AGMO: variants seen among roughly 807,000 people sequenced by gnomAD.
AGMO encodes the protein alkylglycerol monooxygenase, also known as glyceryl-ether monooxygenase.
A neutral mutation model predicts 60.2 loss-of-function variants in AGMO; 75 were observed. The ratio of observed to expected loss-of-function variants is 1.25; its 90% CI spans 1.03 to 1.51. The LOEUF is 1.51. Ranked by LOEUF, AGMO falls within the 40% of genes most tolerant of loss-of-function variation. The pLI is 0.00. For missense variants in AGMO, 763 were observed against 525.5 expected, an observed-to-expected ratio of 1.45 and a Z score of -4.42; for synonymous variants, 261 against 177.1, an observed-to-expected ratio of 1.47 and a Z score of -3.76.
chr7:15,462,605 C>G (rs1782171833), intron 3 of AGMO, among the ~76,000 whole-genome samples: 5 of 152,122 alleles, frequency 3.3e-5, no homozygotes, highest in Non-Finnish European at 5.9e-5. Context: ...AGCTTTAGAT[C>G]TATATCTGCC....
At chr7:15,503,104 A>AT (rs1291212215) in intron 3 of AGMO, among the ~76,000 whole-genome samples, 3 of 151,762 alleles carry the variant, frequency 2.0e-5, no homozygotes, top group African/African-American at 7.3e-5. Flanking sequence ...TCATTCATTC[A>AT]TTTTTTTTCA....
chr7:15,362,821 C>A (rs1258541529), intron 12 of AGMO, among the ~76,000 whole-genome samples: 11 of 152,324 alleles, frequency 7.2e-5, no homozygotes, highest in Admixed American at 6.5e-4. Context: ...TAGCTCTTTA[C>A]ATTTTCCAAG....
At chr7:15,286,267 T>A (rs1412782971) in intron 12 of AGMO, among the ~76,000 whole-genome samples, 1 of 151,976 alleles carries the variant, frequency 6.6e-6, no homozygotes, top group Non-Finnish European at 1.5e-5. Flanking sequence ...AAAGAATTAA[T>A]CATCAGAGTA....
chr7:15,296,503 C>A (rs1784412499), intron 12 of AGMO, among the ~76,000 whole-genome samples: 1 of 152,140 alleles, frequency 6.6e-6, no homozygotes, highest in Admixed American at 6.5e-5. Context: ...GCTCACAGTG[C>A]CATCCTTTCC....
intron 3 of AGMO, among the ~76,000 whole-genome samples, chr7:15,445,185 A>C (rs1419470753): frequency 1.3e-5 from 2 of 152,208 alleles, no homozygotes; most frequent in African/African-American, 4.8e-5. Context: ...TAAGAAAACT[A>C]TGAAGAGAAA....
intron 5 of AGMO, 147 bp from the exon 6 acceptor site, chr7:15,394,326 A>G (rs896298691): frequency 1.6e-6 from 1 of 643,798 alleles, no homozygotes; most frequent in South Asian, 2.0e-5. Flanking sequence ...GTTCCACTGA[A>G]ATCTGGAATT....
At chr7:15,420,237 A>G (rs1780890344) in intron 4 of AGMO, among the ~76,000 whole-genome samples, 1 of 152,108 alleles carries the variant, frequency 6.6e-6, no homozygotes, top group Admixed American at 6.6e-5. Flanking sequence ...GGTAAATTAA[A>G]CAACTGAAGT....
At chr7:15,277,084 G>A (rs1049643725) in intron 12 of AGMO, among the ~76,000 whole-genome samples, 22 of 151,848 alleles carry the variant, frequency 1.4e-4, no homozygotes, top group Admixed American at 1.2e-3. Flanking sequence ...AAGGTAGGTG[G>A]ATTACCCGAG....
chr7:15,500,119 A>G (rs1272243474), intron 3 of AGMO, among the ~76,000 whole-genome samples: 1 of 151,810 alleles, frequency 6.6e-6, no homozygotes. Context: ...CAAATTATCA[A>G]ATTAAAAGAG....
intron 12 of AGMO, among the ~76,000 whole-genome samples, chr7:15,313,509 G>A (rs961848056): frequency 6.6e-6 from 1 of 152,174 alleles, no homozygotes; most frequent in African/African-American, 2.4e-5. Context: ...ATTTTTACCA[G>A]CAGATGTGCT....
intron 12 of AGMO, among the ~76,000 whole-genome samples, chr7:15,237,023 A>G (rs1782443806): frequency 6.6e-6 from 1 of 152,176 alleles, no homozygotes; most frequent in Non-Finnish European, 1.5e-5. Flanking sequence ...AACCTTTATT[A>G]TTGAGGCAAA....
chr7:15,202,779 T>C (rs1282192551), intron 12 of AGMO, among the ~76,000 whole-genome samples: 2 of 152,170 alleles, frequency 1.3e-5, no homozygotes, highest in Non-Finnish European at 2.9e-5. Flanking sequence ...CTTTTGACTG[T>C]AATTCAAGAG....
chr7:15,431,247 T>A, intron 3 of AGMO, 139 bp from the exon 4 acceptor site: 1 of 613,604 alleles, frequency 1.6e-6, no homozygotes, highest in Non-Finnish European at 2.9e-6. Context: ...TAATTATAAT[T>A]AAAATATGCT....
intron 3 of AGMO, among the ~76,000 whole-genome samples, chr7:15,504,583 A>G (rs1238881709): frequency 6.6e-6 from 1 of 151,990 alleles, no homozygotes; most frequent in Non-Finnish European, 1.5e-5. Context: ...TGGCAATAAC[A>G]TTCCTCTGAC....
the AGMO span, among the ~76,000 whole-genome samples, chr7:15,155,966 G>A: frequency 6.6e-6 from 1 of 152,188 alleles, no homozygotes; most frequent in Non-Finnish European, 1.5e-5. Flanking sequence ...CCAGGACTCT[G>A]TCTTTGTCCT....
chr7:15,416,159 A>G (rs1780763042), intron 5 of AGMO, among the ~76,000 whole-genome samples: 1 of 151,572 alleles, frequency 6.6e-6, no homozygotes, highest in South Asian at 2.1e-4. Context: ...ACGGCCTCCA[A>G]AGTAGCTGGG....
At chr7:15,421,458 T>C (rs1780921338) in intron 4 of AGMO, among the ~76,000 whole-genome samples, 1 of 152,112 alleles carries the variant, frequency 6.6e-6, no homozygotes, top group African/African-American at 2.4e-5. Flanking sequence ...AAAAATATGT[T>C]TGGAACCTAT....
chr7:15,331,944 T>C (rs1200623182), intron 12 of AGMO, among the ~76,000 whole-genome samples: 3 of 151,028 alleles, frequency 2.0e-5, no homozygotes, highest in Non-Finnish European at 1.5e-5. Flanking sequence ...AAAATTGCCA[T>C]GTGACTAAGT....
At chr7:15,176,327 T>C in the AGMO span, among the ~76,000 whole-genome samples, 3 of 151,876 alleles carry the variant, frequency 2.0e-5, no homozygotes, top group Non-Finnish European at 4.4e-5. Flanking sequence ...TGTTCAAGTT[T>C]CCGATCTACA....
Sources: allele counts gnomAD v4.1 joint callset (sites outside exome capture counted in the v4.1 genomes callset), GRCh38; gene constraint gnomAD v4.1.1; transcripts MANE v1.5; gene names NCBI Gene and HGNC (gene_info 2026-07-23, HGNC 2026-07-21).